The following DLGAP2 variants were observed in gnomAD, a reference collection of about 807,000 sequenced individuals.
The protein encoded by DLGAP2 is DLG associated protein 2, also known as disks large-associated protein 2.
A neutral mutation model predicts 100.3 loss-of-function variants in DLGAP2; 26 were observed. The ratio of observed to expected loss-of-function variants is 0.26; its 90% CI spans 0.19 to 0.36. The LOEUF is 0.36. DLGAP2 is among the 10% of genes least tolerant of loss of function. The pLI is 1.00. For synonymous variants in DLGAP2, 886 were observed against 630.1 expected, an observed-to-expected ratio of 1.41 and a Z score of -6.08; for missense variants, 1,858 against 1,453.2, an observed-to-expected ratio of 1.28 and a Z score of -4.53.
chr8:1,166,172 C>G (rs1797011432), intron 2 of DLGAP2, among the ~76,000 whole-genome samples: 1 of 152,194 alleles, frequency 6.6e-6, no homozygotes, highest in Admixed American at 6.5e-5. Flanking sequence ...TCTTGTTTGT[C>G]TTACAGCGTC....
At chr8:891,251 G>C (rs1371732722) in intron 1 of DLGAP2, 1 of 152,420 alleles carries the variant, frequency 6.6e-6, no homozygotes, top group Non-Finnish European at 1.5e-5. Flanking sequence ...GCGTGTGCAT[G>C]TCAGGAAGGG....
chr8:1,292,857 C>T (rs1438876542), intron 3 of DLGAP2, among the ~76,000 whole-genome samples: 4 of 152,130 alleles, frequency 2.6e-5, no homozygotes, highest in Non-Finnish European at 5.9e-5. Flanking sequence ...CCCAAGCCTA[C>T]GCTGCCTCCT....
intron 8 of DLGAP2, among the ~76,000 whole-genome samples, chr8:1,661,925 A>T (rs1008328551): frequency 1.3e-5 from 2 of 152,230 alleles, no homozygotes; most frequent in African/African-American, 4.8e-5. Context: ...TGCTCACAGT[A>T]TGGTGAGCCT....
intron 3 of DLGAP2, among the ~76,000 whole-genome samples, chr8:1,431,932 CCCA>C (rs1183967552): frequency 7.3e-5 from 11 of 150,696 alleles, no homozygotes; most frequent in Non-Finnish European, 4.4e-5. Context: ...CCTGCCGGCA[CCCA>C]GCACCCCATG....
intron 4 of DLGAP2, among the ~76,000 whole-genome samples, chr8:1,542,709 C>G (rs142800744): frequency 6.6e-6 from 1 of 152,336 alleles, no homozygotes; most frequent in African/African-American, 2.4e-5. Flanking sequence ...CATTCTTACA[C>G]AGGCTTTTGC....
intron 3 of DLGAP2, among the ~76,000 whole-genome samples, chr8:1,438,799 C>G (rs59789984): frequency 6.6e-6 from 1 of 152,176 alleles, no homozygotes; most frequent in Non-Finnish European, 1.5e-5. Context: ...TTGCTGGTTG[C>G]TATGGAAACT....
chr8:1,584,582 G>A (rs1796055856), intron 6 of DLGAP2, among the ~76,000 whole-genome samples: 1 of 152,190 alleles, frequency 6.6e-6, no homozygotes, highest in Non-Finnish European at 1.5e-5. Context: ...CACGTGCAGA[G>A]AGAGCATTTG....
chr8:1,108,896 T>A (rs1180850981), intron 2 of DLGAP2, among the ~76,000 whole-genome samples: 1 of 137,984 alleles, frequency 7.2e-6, no homozygotes, highest in Non-Finnish European at 1.5e-5. Context: ...CTGTGAGGTG[T>A]GCACGTGCCT....
At chr8:888,486 T>C (rs1182408282) in intron 1 of DLGAP2, among the ~76,000 whole-genome samples, 6 of 152,208 alleles carry the variant, frequency 3.9e-5, no homozygotes, top group Admixed American at 2.0e-4. Context: ...TTTTTTTTCA[T>C]TGATTCTTTC....
At chr8:1,215,952 A>G (rs929266794) in intron 2 of DLGAP2, among the ~76,000 whole-genome samples, 3 of 151,446 alleles carry the variant, frequency 2.0e-5, no homozygotes, top group Non-Finnish European at 4.4e-5. Flanking sequence ...ATTTGGGTGC[A>G]TCACCTGGAG....
intron 1 of DLGAP2, among the ~76,000 whole-genome samples, chr8:805,304 G>C (rs936992180): frequency 1.3e-5 from 2 of 152,122 alleles, no homozygotes; most frequent in Admixed American, 6.5e-5. Context: ...CATTTCTTCT[G>C]GATGGTTTCT....
At chr8:1,286,290 T>C (rs893402062) in intron 3 of DLGAP2, among the ~76,000 whole-genome samples, 1 of 152,238 alleles carries the variant, frequency 6.6e-6, no homozygotes, top group Non-Finnish European at 1.5e-5. Context: ...GCCATGCAGC[T>C]CTTTGAGTCA....
intron 3 of DLGAP2, among the ~76,000 whole-genome samples, chr8:1,310,552 A>G (rs983132381): frequency 1.5e-4 from 23 of 152,240 alleles, no homozygotes; most frequent in African/African-American, 5.3e-4. Context: ...ATTCTTCTCA[A>G]GTGTACATGA....
intron 1 of DLGAP2, among the ~76,000 whole-genome samples, chr8:881,325 T>C (rs1015015865): frequency 6.6e-6 from 1 of 152,214 alleles, no homozygotes; most frequent in African/African-American, 2.4e-5. Context: ...TGTAGGACGT[T>C]TGCCCCGATA....
intron 1 of DLGAP2, among the ~76,000 whole-genome samples, chr8:829,867 T>C (rs1796749807): frequency 6.6e-6 from 1 of 152,248 alleles, no homozygotes; most frequent in South Asian, 2.1e-4. Context: ...AATGTGTTCA[T>C]AGCCATGAGG....
intron 1 of DLGAP2, among the ~76,000 whole-genome samples, chr8:897,575 C>T (rs1469324868): frequency 1.3e-5 from 2 of 152,202 alleles, no homozygotes; most frequent in Non-Finnish European, 2.9e-5. Flanking sequence ...CGAGGAGTCA[C>T]GGGGGTGTGT....
intron 2 of DLGAP2, among the ~76,000 whole-genome samples, chr8:1,205,448 G>C (rs373991725): frequency 6.6e-6 from 1 of 152,108 alleles, no homozygotes; most frequent in African/African-American, 2.4e-5. Flanking sequence ...CTAGAAACAC[G>C]TGACGTCACA....
chr8:1,133,404 A>G (rs1470415601), intron 2 of DLGAP2, among the ~76,000 whole-genome samples: 1 of 152,174 alleles, frequency 6.6e-6, no homozygotes, highest in Non-Finnish European at 1.5e-5. Flanking sequence ...TTGATCATTA[A>G]TAGGAGTCAT....
At chr8:1,031,434 C>T (rs1220606382) in intron 2 of DLGAP2, among the ~76,000 whole-genome samples, 8 of 151,670 alleles carry the variant, frequency 5.3e-5, no homozygotes, top group Admixed American at 5.3e-4. Context: ...TTTTTTGAGA[C>T]AGGGCCTCAC....
Sources: allele counts gnomAD v4.1 joint callset (sites outside exome capture counted in the v4.1 genomes callset), GRCh38; gene constraint gnomAD v4.1.1; transcripts MANE v1.5; gene names NCBI Gene and HGNC (gene_info 2026-07-23, HGNC 2026-07-21).